SDHA: variants seen among roughly 807,000 people sequenced by gnomAD.
SDHA encodes succinate dehydrogenase [ubiquinone] flavoprotein subunit, mitochondrial.
In SDHA, 48 loss-of-function variants were observed where a neutral mutation model predicts 78.4. The observed-to-expected ratio is 0.61, with a 90% CI of 0.49 to 0.78. The LOEUF is 0.78. Ranked by LOEUF, SDHA falls within the 30% of genes least tolerant of loss-of-function variation. SDHA has a pLI of 0.00. For synonymous variants in SDHA, 326 were observed against 353.9 expected (o/e 0.92, Z 0.88); for missense variants, 680 against 892.7 (o/e 0.76, Z 3.04).
At position 235,186 on chromosome 5, in the gene SDHA, C is replaced by T. The variant is rs1268877544; in HGVS notation, c.1107C>T (p.His369=). The part of the protein sequence containing the change: ...PEKDHVYLQL[H]HLPPEQLATR... ...AAGATCACGTCTACCTGCAGCTGCA[C>T]CACCTACCTCCAGAGCAGCTGGCCA... Residue 369 remains histidine, a synonymous_variant, in exon 9 of 15, where the codon CAC becomes CAT. Coordinates refer to ENST00000264932, the MANE Select transcript of SDHA (RefSeq NM_004168.4). 1 of 1,613,976 alleles carries T rather than the reference C, an allele frequency of 6.2e-7. No homozygotes were observed. Among genetic ancestry groups the T allele is most frequent in the Non-Finnish European group, 8.5e-7 (1 of 1,179,852 alleles).
intron 11 of SDHA, among the ~76,000 whole-genome samples, chr5:243,127 G>A (rs1225463792): frequency 2.6e-5 from 4 of 152,176 alleles, no homozygotes; most frequent in Non-Finnish European, 4.4e-5. Flanking sequence ...AGCTAGATGA[G>A]AGGGTGATTT....
intron 7 of SDHA, among the ~76,000 whole-genome samples, chr5:231,869 G>T (rs528194471): frequency 6.6e-6 from 1 of 152,188 alleles, no homozygotes; most frequent in Non-Finnish European, 1.5e-5. Flanking sequence ...CTCAGCCCAC[G>T]TGACCACTGA....
intron 5 of SDHA, chr5:227,958 TAGG>T: frequency 1.9e-6 from 1 of 523,742 alleles, no homozygotes; most frequent in Non-Finnish European, 3.5e-6. Context: ...GTCACCAAAA[TAGG>T]AGCTGTTGCT....
intron 13 of SDHA, among the ~76,000 whole-genome samples, chr5:253,384 C>G (rs1579443242): frequency 6.6e-6 from 1 of 152,192 alleles, no homozygotes; most frequent in Non-Finnish European, 1.5e-5. Context: ...TAAGAGTTTC[C>G]TGCAAAGTAT....
rs1318566276 is a variant in SDHA, at chr5:228,315, A to C, written c.752A>C (p.Asn251Thr). 3 of 1,613,876 alleles carry C rather than the reference A, an allele frequency of 1.9e-6. No individual in the cohort carries two copies. In the African/African-American group the frequency reaches 4.0e-5, roughly 22 times the overall value. The change falls in exon 6 of 15, where the codon AAC becomes ACC. Residue 251 changes from asparagine to threonine, a missense_variant. Physicochemically the swap from Asn to Thr is moderately conservative, Grantham distance 65. Coordinates refer to ENST00000264932, the MANE Select transcript of SDHA (RefSeq NM_004168.4). ...TCCATCCATCGCATAAGAGCAAAGA[A>C]CACTGTTGTTGCCACAGGGTAGGAA... ...DGSIHRIRAK[N>T]TVVATGGYGR...
downstream of SDHA, among the ~76,000 whole-genome samples, chr5:261,257 T>C (rs1177414880): frequency 1.1e-4 from 1 of 8,862 alleles, no homozygotes; most frequent in African/African-American, 2.2e-3. Flanking sequence ...GAGCTCCGCC[T>C]CCCGTCACAG....
intron 9 of SDHA, 180 bp from the exon 10 acceptor site, chr5:236,248 C>T: frequency 1.5e-6 from 1 of 675,856 alleles, no homozygotes; most frequent in South Asian, 1.6e-5. Flanking sequence ...AGGTCTTGAA[C>T]CCCTGACCTC....
At chr5:255,645 G>A (rs1490203354) in intron 14 of SDHA, among the ~76,000 whole-genome samples, 8 of 151,962 alleles carry the variant, frequency 5.3e-5, no homozygotes, top group Non-Finnish European at 7.4e-5. Context: ...GTTTCTCCAC[G>A]TTGCCCAGGC....
intron 11 of SDHA, among the ~76,000 whole-genome samples, chr5:244,999 T>A (rs1022637175): frequency 6.6e-6 from 1 of 152,176 alleles, no homozygotes; most frequent in Non-Finnish European, 1.5e-5. Context: ...GATATTATTT[T>A]TGATGGCGGC....
At chr5:253,884 A>G (rs1226504977) in intron 13 of SDHA, among the ~76,000 whole-genome samples, 2 of 152,102 alleles carry the variant, frequency 1.3e-5, no homozygotes, top group Non-Finnish European at 2.9e-5. Context: ...AACATGGCGA[A>G]ACGTGTCTCT....
At chr5:249,164 G>T in intron 11 of SDHA, 1 of 378,358 alleles carries the variant, frequency 2.6e-6, no homozygotes, top group Non-Finnish European at 5.0e-6. Flanking sequence ...CATTAAAATG[G>T]ATAAAAACAC....
At position 218,321 on chromosome 5, in the gene SDHA, G is replaced by T; in HGVS notation, c.-35G>T. 1 of 1,437,538 alleles carries T rather than the reference G, an allele frequency of 7.0e-7. No homozygotes were observed. The highest frequency in any genetic ancestry group is 2.8e-5 in the Admixed American group (1 of 36,150). The allele number at this position is 1,437,538 out of a possible 1,614,324, so 89.0% of individuals were successfully genotyped here. On this transcript the variant is annotated 5_prime_UTR_variant, in exon 1 of 15. The change creates a new upstream start codon in the 5' untranslated region. Coordinates refer to ENST00000264932, the MANE Select transcript of SDHA (RefSeq NM_004168.4). Reference sequence around the variant, plus strand: ...GTGGTGCGCAGGCGCAGTCTGCGCAGGGACTGGCGGGACTGCGCGGCGGCA... The same window carrying T: ...GTGGTGCGCAGGCGCAGTCTGCGCATGGACTGGCGGGACTGCGCGGCGGCA...
At chr5:241,474 C>A (rs992943225) in intron 11 of SDHA, among the ~76,000 whole-genome samples, 4 of 152,180 alleles carry the variant, frequency 2.6e-5, no homozygotes, top group African/African-American at 9.7e-5. Context: ...TGATCTGTGG[C>A]CTGTGCTGCT....
At chr5:254,972 C>G (rs1039018257) in intron 14 of SDHA, among the ~76,000 whole-genome samples, 7 of 151,882 alleles carry the variant, frequency 4.6e-5, no homozygotes, top group African/African-American at 1.7e-4. Context: ...TGTGGTGCAG[C>G]CTTTAGCATC....
chr5:226,579 C>G (rs1488641946), intron 5 of SDHA, among the ~76,000 whole-genome samples: 1 of 152,156 alleles, frequency 6.6e-6, no homozygotes, highest in African/African-American at 2.4e-5. Context: ...CTACAGTGAG[C>G]CATGTTCGTA....
At chr5:223,132 C>T (rs150128181) in intron 1 of SDHA, among the ~76,000 whole-genome samples, 1 of 152,342 alleles carries the variant, frequency 6.6e-6, no homozygotes, top group East Asian at 1.9e-4. Flanking sequence ...ATACAATATA[C>T]ACGTCTTTCC....
the SDHA span, among the ~76,000 whole-genome samples, chr5:267,319 G>C: frequency 6.6e-6 from 1 of 152,130 alleles, no homozygotes; most frequent in Non-Finnish European, 1.5e-5. Context: ...CGGGAATCTG[G>C]AAAAAGGAAA....
At chr5:262,319 T>G in the SDHA span, among the ~76,000 whole-genome samples, 123 of 54,572 alleles carry the variant, frequency 2.3e-3, 3 homozygotes, top group East Asian at 3.3e-3. Context: ...CCGCCTCCCG[T>G]CAGAGCATTA....
intron 5 of SDHA, among the ~76,000 whole-genome samples, chr5:226,635 AGAG>A (rs1375390368): frequency 6.6e-5 from 10 of 151,704 alleles, no homozygotes; most frequent in African/African-American, 2.4e-4. Flanking sequence ...TCTCAAAAAA[AGAG>A]AAAGAACAGG....
Sources: allele counts gnomAD v4.1 joint callset (sites outside exome capture counted in the v4.1 genomes callset), GRCh38; gene constraint gnomAD v4.1.1; transcripts MANE v1.5; gene names NCBI Gene and HGNC (gene_info 2026-07-23, HGNC 2026-07-21).